SPAG16: variants seen among roughly 807,000 people sequenced by gnomAD.
SPAG16 encodes sperm-associated antigen 16 protein.
In SPAG16, 86 loss-of-function variants were observed where a neutral mutation model predicts 80.4. The observed-to-expected ratio is 1.07, with a 90% CI of 0.90 to 1.28. The LOEUF (loss-of-function observed/expected upper bound fraction) is 1.28. SPAG16 is among the 50% of genes most tolerant of loss of function. The pLI is 0.00. For missense variants in SPAG16, 870 were observed against 765.3 expected (o/e 1.14, Z -1.61); for synonymous variants, 294 against 265.9 (o/e 1.11, Z -1.03).
At chr2:214,338,675 A>C (rs1430899470) in intron 15 of SPAG16, among the ~76,000 whole-genome samples, 1 of 152,162 alleles carries the variant, frequency 6.6e-6, no homozygotes, top group Admixed American at 6.5e-5. Context: ...TAGAATGAAA[A>C]GGTGAGCCAC....
chr2:213,340,448 G>A (rs2064625829), intron 6 of SPAG16, among the ~76,000 whole-genome samples, 178 bp downstream of exon 6: 2 of 152,076 alleles, frequency 1.3e-5, no homozygotes, highest in Non-Finnish European at 2.9e-5. Context: ...TGAAGTGGGA[G>A]GAGTTAAGCA....
chr2:213,869,097 C>G (rs1337906323), intron 11 of SPAG16, among the ~76,000 whole-genome samples: 1 of 150,616 alleles, frequency 6.6e-6, no homozygotes, highest in Non-Finnish European at 1.5e-5. Flanking sequence ...ACTAAAAATA[C>G]CAAAAATTAG....
At chr2:213,864,974 T>TA (rs747751869) in intron 11 of SPAG16, among the ~76,000 whole-genome samples, 1 of 152,014 alleles carries the variant, frequency 6.6e-6, no homozygotes, top group Non-Finnish European at 1.5e-5. Flanking sequence ...ATCCAGCTAA[T>TA]ATGATGTCGA....
intron 11 of SPAG16, among the ~76,000 whole-genome samples, chr2:213,869,264 A>AAAAAAT (rs552335638): frequency 3.1e-5 from 2 of 63,594 alleles, no homozygotes; most frequent in East Asian, 4.2e-4. Flanking sequence ...AAAAAAAAAA[A>AAAAAAT]ATATATATAT....
intron 10 of SPAG16, among the ~76,000 whole-genome samples, chr2:213,843,509 C>A (rs1327194517): frequency 6.6e-6 from 1 of 152,122 alleles, no homozygotes; most frequent in Non-Finnish European, 1.5e-5. Flanking sequence ...CTTTCAAATG[C>A]CAGTGTTTGT....
chr2:213,385,792 C>CCACACACACACACA (rs55899353), intron 9 of SPAG16, among the ~76,000 whole-genome samples: 1 of 149,330 alleles, frequency 6.7e-6, no homozygotes, highest in Non-Finnish European at 1.5e-5. Context: ...TCATCTCTGT[C>CCACACACACACACA]CACACACACA....
chr2:213,307,198 A>AT (rs994971619), intron 3 of SPAG16, among the ~76,000 whole-genome samples: 11 of 150,776 alleles, frequency 7.3e-5, no homozygotes, highest in South Asian at 2.1e-4. Context: ...GTTTTTTTTT[A>AT]TTTTTTTTAC....
chr2:213,473,077 A>C lies in SPAG16; in HGVS notation c.943-16886A>C, dbSNP rs189431774. Among the ~76,000 whole-genome samples the C allele has an allele frequency of 2.4e-3, 367 of 152,218 alleles. 3 individuals are homozygous for C. Among genetic ancestry groups the C allele is most frequent in the African/African-American group, 8.4e-3 (349 of 41,518 alleles). On this transcript the variant is annotated intron_variant, in intron 9 of 15. Coordinates refer to ENST00000331683, the MANE Select transcript of SPAG16 (RefSeq NM_024532.5). The stretch of plus-strand genomic sequence containing the variant: ...CATGATTCTCTGTTTTTATAATTCA[A>C]ATTCATCTTTTGTCCCTTCTACGTA...
At chr2:213,504,948 C>A (rs1479340934) in intron 10 of SPAG16, among the ~76,000 whole-genome samples, 1 of 152,184 alleles carries the variant, frequency 6.6e-6, no homozygotes, top group Non-Finnish European at 1.5e-5. Flanking sequence ...CGGAATTTTC[C>A]AAGGCAATGT....
At chr2:213,977,787 C>G (rs2045495811) in intron 12 of SPAG16, among the ~76,000 whole-genome samples, 1 of 151,948 alleles carries the variant, frequency 6.6e-6, no homozygotes, top group African/African-American at 2.4e-5. Context: ...TGTCACTGTT[C>G]TTTTCAATTA....
intron 12 of SPAG16, among the ~76,000 whole-genome samples, chr2:213,987,616 A>G (rs2046076799): frequency 6.6e-6 from 1 of 151,860 alleles, no homozygotes; most frequent in Non-Finnish European, 1.5e-5. Flanking sequence ...AACTCGGACA[A>G]TTGTAGCTTT....
At chr2:213,556,956 AAT>A in intron 10 of SPAG16, among the ~76,000 whole-genome samples, 1 of 152,314 alleles carries the variant, frequency 6.6e-6, no homozygotes, top group Non-Finnish European at 1.5e-5. Flanking sequence ...TTTCCAAAAT[AAT>A]ATCAGTCATG....
intron 10 of SPAG16, among the ~76,000 whole-genome samples, chr2:213,805,428 G>A (rs2071706059): frequency 6.6e-6 from 1 of 152,218 alleles, no homozygotes; most frequent in Non-Finnish European, 1.5e-5. Flanking sequence ...CATGGCAACT[G>A]TCTTCAAATA....
At chr2:213,429,933 A>G (rs1051555082) in intron 9 of SPAG16, among the ~76,000 whole-genome samples, 1 of 152,256 alleles carries the variant, frequency 6.6e-6, no homozygotes, top group African/African-American at 2.4e-5. Flanking sequence ...ATGAAAAAGT[A>G]ATGTGTAATG....
At chr2:213,346,094 C>T (rs1234395851) in intron 6 of SPAG16, among the ~76,000 whole-genome samples, 1 of 152,166 alleles carries the variant, frequency 6.6e-6, no homozygotes, top group East Asian at 1.9e-4. Context: ...AGAGGTCCTT[C>T]ACATCCCTTG....
chr2:213,517,551 T>G (rs761489223), intron 10 of SPAG16, among the ~76,000 whole-genome samples: 45 of 152,060 alleles, frequency 3.0e-4, no homozygotes, highest in Non-Finnish European at 1.9e-4. Context: ...ACTACCCAAT[T>G]TCAAACTATA....
intron 10 of SPAG16, among the ~76,000 whole-genome samples, chr2:213,799,310 T>G (rs1481866280): frequency 6.6e-6 from 1 of 152,194 alleles, no homozygotes; most frequent in African/African-American, 2.4e-5. Context: ...TATTCCTAAA[T>G]ATTTTATTCT....
At chr2:213,586,844 A>C (rs6728148) in intron 10 of SPAG16, among the ~76,000 whole-genome samples, 2,613 of 152,328 alleles carry the variant, frequency 0.017, 73 homozygotes, top group African/African-American at 0.059. Flanking sequence ...GATCCAAGTA[A>C]GTCCAGAATA....
At chr2:214,148,003 T>C (rs1391325190) in intron 14 of SPAG16, among the ~76,000 whole-genome samples, 1 of 152,058 alleles carries the variant, frequency 6.6e-6, no homozygotes, top group African/African-American at 2.4e-5. Context: ...TTAAATAACG[T>C]AGGGAGAAAA....
Sources: allele counts gnomAD v4.1 joint callset (sites outside exome capture counted in the v4.1 genomes callset), GRCh38; gene constraint gnomAD v4.1.1; transcripts MANE v1.5; gene names NCBI Gene and HGNC (gene_info 2026-07-23, HGNC 2026-07-21).